The following ADAMTS6 variants were observed in gnomAD, a reference collection of about 807,000 sequenced individuals.
ADAMTS6 encodes the protein ADAM metallopeptidase with thrombospondin type 1 motif 6.
Under a neutral mutation model 144.3 loss-of-function variants are expected in ADAMTS6, and 23 were observed. The observed-to-expected ratio is 0.16, with a 90% confidence interval of 0.11 to 0.23. The LOEUF is 0.23. ADAMTS6 is among the 10% of genes least tolerant of loss of function. ADAMTS6 has a pLI of 1.00. For missense variants in ADAMTS6, 999 were observed against 1,379.6 expected (o/e 0.72, Z 4.37); for synonymous variants, 444 against 457.5 (o/e 0.97, Z 0.38).
chr5:65,434,633 T>TA (rs758274106), intron 7 of ADAMTS6, among the ~76,000 whole-genome samples: 7 of 152,160 alleles, frequency 4.6e-5, no homozygotes, highest in African/African-American at 7.2e-5. Flanking sequence ...AGTCTTCCCT[T>TA]ATTGTTTACT....
intron 20 of ADAMTS6, among the ~76,000 whole-genome samples, chr5:65,207,988 T>C (rs6867844): frequency 0.13 from 19,783 of 152,234 alleles, 1,600 homozygotes; most frequent in African/African-American, 0.22. Flanking sequence ...ACTGTAAATA[T>C]ATAGGCATGC....
At chr5:65,339,454 G>C (rs1047614551) in intron 7 of ADAMTS6, among the ~76,000 whole-genome samples, 1 of 101,602 alleles carries the variant, frequency 9.8e-6, no homozygotes, top group African/African-American at 5.2e-5. Context: ...CATAAAAAAA[G>C]CAAAAAAAAA....
chr5:65,326,704 A>G (rs545475627), intron 9 of ADAMTS6, among the ~76,000 whole-genome samples: 1 of 152,314 alleles, frequency 6.6e-6, no homozygotes, highest in East Asian at 1.9e-4. Flanking sequence ...GTCACAAAAA[A>G]TCAGTATACT....
chr5:65,321,740 G>A (rs1172721471), intron 9 of ADAMTS6, among the ~76,000 whole-genome samples: 1 of 126,540 alleles, frequency 7.9e-6, no homozygotes. Context: ...TTTTGAGACG[G>A]AGTCTCGCTC....
intron 7 of ADAMTS6, among the ~76,000 whole-genome samples, chr5:65,426,288 A>T (rs997337088): frequency 7.0e-6 from 1 of 143,178 alleles, no homozygotes; most frequent in Admixed American, 7.2e-5. Flanking sequence ...CGAACTCCTG[A>T]CCTCAGGTGA....
rs140354533 is a variant in ADAMTS6 at position 65,248,819 on chromosome 5, A to C, written c.1831-6613T>G. 7.9e-3 allele frequency among the ~76,000 whole-genome samples: 1,199 copies of C among 152,250 alleles called. 14 individuals carry two copies. The highest frequency in any genetic ancestry group is 0.027 in the African/African-American group (1,121 of 41,536). ...GTTAAGAAACAAAGTTTTACTTTGT[A>C]ATTTTTAAAAGTATTTTTAAAGCAC... On this transcript the variant is annotated intron_variant, in intron 14 of 24. Transcript: ENST00000381055.
intron 9 of ADAMTS6, among the ~76,000 whole-genome samples, chr5:65,305,773 T>A (rs985463480): frequency 1.3e-5 from 2 of 151,696 alleles, no homozygotes; most frequent in Admixed American, 1.3e-4. Context: ...CACACACACA[T>A]ATGCACACAT....
intron 20 of ADAMTS6, among the ~76,000 whole-genome samples, chr5:65,208,424 T>C (rs550903963): frequency 3.3e-5 from 5 of 152,298 alleles, no homozygotes; most frequent in African/African-American, 1.2e-4. Context: ...ACCATTGCTC[T>C]ATGGAAGGCA....
At chr5:65,231,351 A>G (rs902209468) in intron 15 of ADAMTS6, among the ~76,000 whole-genome samples, 2 of 152,130 alleles carry the variant, frequency 1.3e-5, no homozygotes, top group Non-Finnish European at 2.9e-5. Context: ...ACCATTGTAA[A>G]TATGCACCCA....
intron 12 of ADAMTS6, among the ~76,000 whole-genome samples, chr5:65,263,862 T>A (rs536737808): frequency 1.1e-4 from 17 of 152,288 alleles, no homozygotes; most frequent in African/African-American, 3.6e-4. Flanking sequence ...TGAATAACAA[T>A]AAGGAACATG....
intron 20 of ADAMTS6, among the ~76,000 whole-genome samples, chr5:65,206,994 G>A (rs1039876392): frequency 1.3e-5 from 2 of 152,050 alleles, no homozygotes; most frequent in African/African-American, 2.4e-5. Context: ...TAAAAGTAAT[G>A]ATAGCATTTT....
intron 20 of ADAMTS6, among the ~76,000 whole-genome samples, chr5:65,208,698 C>T (rs1171195269): frequency 1.3e-5 from 2 of 152,044 alleles, no homozygotes; most frequent in Non-Finnish European, 2.9e-5. Context: ...AAATATAGTA[C>T]CAGAAAATGT....
intron 22 of ADAMTS6, among the ~76,000 whole-genome samples, chr5:65,173,970 C>T (rs555774942): frequency 7.4e-4 from 111 of 149,488 alleles, no homozygotes; most frequent in African/African-American, 2.6e-3. Context: ...TGCAGTGAGC[C>T]GAGATTGCAC....
intron 11 of ADAMTS6, among the ~76,000 whole-genome samples, chr5:65,277,323 A>C (rs1467182781): frequency 1.3e-5 from 2 of 152,226 alleles, no homozygotes; most frequent in Non-Finnish European, 2.9e-5. Flanking sequence ...ACTTCAGAGG[A>C]AAATGTAGGT....
chr5:65,379,738 T>C (rs1241132075), intron 7 of ADAMTS6, among the ~76,000 whole-genome samples: 1 of 151,648 alleles, frequency 6.6e-6, no homozygotes, highest in Admixed American at 6.6e-5. Context: ...GCAAACAGTG[T>C]CCCCGCTTTC....
At position 65,171,553 on chromosome 5, in the gene ADAMTS6, G is replaced by C. The variant is rs868655322; in HGVS notation, c.3088-780C>G. On this transcript the variant is annotated intron_variant, in intron 23 of 24. Coordinates refer to ENST00000381055, the MANE Select transcript of ADAMTS6 (RefSeq NM_197941.4). ...TCCTTGTGATGAAGTAGAATAATGA[G>C]AGATTGTAGGGCTAGGAAATCACTA... 4.1e-4 allele frequency among the ~76,000 whole-genome samples: 62 copies of C among 152,280 alleles called. 1 individual carries two copies. The highest frequency in any genetic ancestry group is 1.1e-3 in the African/African-American group (47 of 41,550).
chr5:65,243,096 G>C (rs1377821620), intron 14 of ADAMTS6, among the ~76,000 whole-genome samples: 2 of 152,048 alleles, frequency 1.3e-5, no homozygotes, highest in Non-Finnish European at 1.5e-5. Flanking sequence ...ATCTTGTGAA[G>C]TTCAACAGCT....
intron 20 of ADAMTS6, chr5:65,209,840 G>A (rs1487788974): frequency 6.6e-6 from 1 of 152,130 alleles, no homozygotes; most frequent in African/African-American, 2.4e-5. Context: ...GATGAACATG[G>A]AGTATCTCAG....
intron 7 of ADAMTS6, among the ~76,000 whole-genome samples, chr5:65,392,589 T>A (rs566213665): frequency 6.6e-6 from 1 of 152,234 alleles, no homozygotes; most frequent in African/African-American, 2.4e-5. Context: ...GTAGGATCCC[T>A]GTGTTCTTGT....
Sources: allele counts gnomAD v4.1 joint callset (sites outside exome capture counted in the v4.1 genomes callset), GRCh38; gene constraint gnomAD v4.1.1; transcripts MANE v1.5; gene names NCBI Gene and HGNC (gene_info 2026-07-23, HGNC 2026-07-21).